Variants in GPHN observed in about 807,000 individuals in gnomAD.
GPHN encodes gephyrin.
A neutral mutation model predicts 95.5 loss-of-function variants in GPHN; 17 were observed. The ratio of observed to expected loss-of-function variants is 0.18; its 90% confidence interval spans 0.12 to 0.27. The LOEUF (loss-of-function observed/expected upper bound fraction) is 0.27. Among genes scored for constraint, GPHN ranks in the 10% least tolerant of loss-of-function variants. The pLI, the probability that GPHN is intolerant of heterozygous loss-of-function variation, is 1.00. For missense variants in GPHN, 660 were observed against 978.1 expected, an observed-to-expected ratio of 0.67 and a Z score of 4.34; for synonymous variants, 320 against 322.5, an observed-to-expected ratio of 0.99 and a Z score of 0.08.
the GPHN span, among the ~76,000 whole-genome samples, chr14:67,331,264 C>T: frequency 6.6e-6 from 1 of 152,134 alleles, no homozygotes; most frequent in Non-Finnish European, 1.5e-5. Context: ...AGGCTGGTCT[C>T]AAGCTCCCGG....
chr14:67,151,014 A>T (rs1379023933), intron 18 of GPHN, among the ~76,000 whole-genome samples: 1 of 152,194 alleles, frequency 6.6e-6, no homozygotes, highest in Non-Finnish European at 1.5e-5. Flanking sequence ...TTATCTAGGA[A>T]TTTTAGAAAT....
At chr14:67,159,758 C>G (rs1395920702) in intron 19 of GPHN, among the ~76,000 whole-genome samples, 3 of 152,056 alleles carry the variant, frequency 2.0e-5, no homozygotes, top group Non-Finnish European at 4.4e-5. Context: ...TTCCTTCTTC[C>G]TCTTTTTCTC....
At chr14:67,557,431 G>C in the GPHN span, 1,157 of 1,610,614 alleles carry the variant, frequency 7.2e-4, 24 homozygotes, top group East Asian at 0.026. Flanking sequence ...AAGGGCTCAT[G>C]CGCAAGGGAG....
At chr14:67,540,881 A>T in the GPHN span, among the ~76,000 whole-genome samples, 1 of 151,936 alleles carries the variant, frequency 6.6e-6, no homozygotes, top group African/African-American at 2.4e-5. Context: ...TCCTTTTCTC[A>T]TCCTGCATCC....
At chr14:67,733,806 A>G in the GPHN span, 12 of 1,613,196 alleles carry the variant, frequency 7.4e-6, no homozygotes, top group African/African-American at 1.3e-5. Flanking sequence ...CTGAGCGCCT[A>G]TGGAATGTCA....
the GPHN span, among the ~76,000 whole-genome samples, chr14:67,256,283 T>C: frequency 1.3e-5 from 2 of 152,228 alleles, no homozygotes; most frequent in Admixed American, 6.5e-5. Flanking sequence ...GGATGGTAGA[T>C]AAACACTGTT....
intron 18 of GPHN, among the ~76,000 whole-genome samples, chr14:67,147,848 A>G (rs903974814): frequency 1.3e-5 from 2 of 152,238 alleles, no homozygotes; most frequent in Non-Finnish European, 2.9e-5. Flanking sequence ...CAGACTGAGT[A>G]TCTCTTCTCA....
intron 2 of GPHN, among the ~76,000 whole-genome samples, chr14:66,754,246 A>G (rs1264393382): frequency 2.0e-5 from 3 of 152,084 alleles, no homozygotes; most frequent in Non-Finnish European, 4.4e-5. Flanking sequence ...TTTCTGGGTC[A>G]TATGGTGACT....
chr14:66,894,907 G>T (rs2064748375), intron 5 of GPHN, among the ~76,000 whole-genome samples: 1 of 152,164 alleles, frequency 6.6e-6, no homozygotes, highest in Admixed American at 6.5e-5. Flanking sequence ...TACACTGTTG[G>T]TGGGACTGTA....
At chr14:66,810,500 CTT>C (rs770649747) in intron 3 of GPHN, among the ~76,000 whole-genome samples, 42 of 151,690 alleles carry the variant, frequency 2.8e-4, no homozygotes, top group Non-Finnish European at 3.4e-4. Context: ...ATGTGTGAAA[CTT>C]TGTCAAAAAT....
chr14:67,610,080 C>G, the GPHN span, among the ~76,000 whole-genome samples: 1 of 152,110 alleles, frequency 6.6e-6, no homozygotes, highest in South Asian at 2.1e-4. Flanking sequence ...GCTGCCTCCA[C>G]TCCTGTGGCT....
At position 66,958,641 on chromosome 14, in the gene GPHN, G is replaced by C. The variant is rs1226466245; in HGVS notation, c.829-6550G>C. On this transcript the variant is annotated intron_variant, in intron 8 of 22. Coordinates refer to ENST00000478722, the MANE Select transcript of GPHN (RefSeq NM_020806.5). Reference sequence around the variant, plus strand: ...AACTGTAACATAATGGTAAGTATTTGTGTTTTGAAACATATCTAAACATAG... The same window carrying C: ...AACTGTAACATAATGGTAAGTATTTCTGTTTTGAAACATATCTAAACATAG... 1.3e-5 allele frequency among the ~76,000 whole-genome samples: 2 copies of C among 152,060 alleles called. 1 individual carries two copies. Among genetic ancestry groups the C allele is most frequent in the Middle Eastern group, 6.3e-3 (2 of 316 alleles).
intron 10 of GPHN, among the ~76,000 whole-genome samples, chr14:67,044,424 T>C (rs2074884967): frequency 6.6e-6 from 1 of 152,176 alleles, no homozygotes; most frequent in Admixed American, 6.5e-5. Context: ...TCGTTTTGTT[T>C]TGTTGGTATT....
chr14:66,814,082 A>G (rs2060868437), intron 3 of GPHN, among the ~76,000 whole-genome samples: 1 of 152,134 alleles, frequency 6.6e-6, no homozygotes, highest in Admixed American at 6.5e-5. Flanking sequence ...GCCAGCACAC[A>G]GGAACGCAGT....
chr14:67,157,627 C>T (rs2153715468), intron 18 of GPHN, among the ~76,000 whole-genome samples: 1 of 152,018 alleles, frequency 6.6e-6, no homozygotes, highest in South Asian at 2.1e-4. Context: ...AGTTCAAGAC[C>T]AGCCTGGCCA....
At chr14:67,598,975 G>T in the GPHN span, among the ~76,000 whole-genome samples, 1 of 152,260 alleles carries the variant, frequency 6.6e-6, no homozygotes, top group African/African-American at 2.4e-5. Context: ...TTCCCAAAGT[G>T]CTGGGATTAC....
intron 2 of GPHN, among the ~76,000 whole-genome samples, chr14:66,687,097 A>T (rs1214791801): frequency 6.6e-6 from 1 of 152,170 alleles, no homozygotes; most frequent in African/African-American, 2.4e-5. Flanking sequence ...CCCAGGGATG[A>T]AGCCCACTTG....
chr14:67,612,940 CAA>C, the GPHN span, among the ~76,000 whole-genome samples: 94 of 143,168 alleles, frequency 6.6e-4, no homozygotes, highest in African/African-American at 1.9e-3. Context: ...GACTCTGTCT[CAA>C]AAAAAAAAAA....
chr14:66,659,371 A>G (rs1040647886), intron 1 of GPHN, among the ~76,000 whole-genome samples: 1 of 152,038 alleles, frequency 6.6e-6, no homozygotes, highest in African/African-American at 2.4e-5. Flanking sequence ...AACATGGTCT[A>G]TATTGAAATA....
Sources: gnomAD v4.1 joint callset for allele counts (sites outside exome capture counted in the v4.1 genomes callset) on GRCh38, gnomAD v4.1.1 for gene constraint, MANE v1.5 for transcripts, NCBI Gene and HGNC (gene_info 2026-07-23, HGNC 2026-07-21) for gene names.